Variants in KSR2 observed in about 807,000 individuals in gnomAD.
KSR2 encodes kinase suppressor of ras 2.
A neutral mutation model predicts 107.8 loss-of-function variants in KSR2; 25 were observed. The observed-to-expected ratio is 0.23, with a 90% CI of 0.17 to 0.32. The LOEUF (loss-of-function observed/expected upper bound fraction) is 0.32. KSR2 is among the 10% of genes least tolerant of loss of function. KSR2 has a pLI of 1.00. For missense variants in KSR2, 887 were observed against 1,268.9 expected (o/e 0.70, Z 4.57); for synonymous variants, 480 against 507.0 (o/e 0.95, Z 0.71).
chr12:117,796,986 G>A (rs1013771240), intron 3 of KSR2, among the ~76,000 whole-genome samples: 4 of 152,118 alleles, frequency 2.6e-5, no homozygotes, highest in African/African-American at 9.7e-5. Flanking sequence ...TTGGAGCCTG[G>A]GAACACAACA....
chr12:117,536,871 T>C (rs1190047225), intron 10 of KSR2, among the ~76,000 whole-genome samples: 5 of 152,254 alleles, frequency 3.3e-5, no homozygotes, highest in African/African-American at 1.2e-4. Context: ...AGCGTTTCTG[T>C]ATATAAAGTC....
chr12:117,497,658 A>C (rs1316550171), intron 14 of KSR2, among the ~76,000 whole-genome samples: 1 of 152,190 alleles, frequency 6.6e-6, no homozygotes, highest in Non-Finnish European at 1.5e-5. Context: ...AGTTAGGAGC[A>C]TACACTTTAG....
chr12:117,548,480 G>A lies in KSR2; in HGVS notation c.1518+6689C>T, dbSNP rs115654996. Among the ~76,000 whole-genome samples the A allele has an allele frequency of 9.3e-3, 1,408 of 151,888 alleles. 24 individuals are homozygous for A. The highest frequency in any genetic ancestry group is 0.032 in the African/African-American group (1,318 of 41,406). ...TTTCTTTTCTTTAGCTTACTTTATT[G>A]TAAGAATATGGCATATAAGACATAG... On this transcript the variant is annotated intron_variant, in intron 9 of 19. Transcript: ENST00000339824.
Position 117,731,417 on chromosome 12 carries a change from GGGGGGC to G in KSR2, c.986+29588_986+29593del, listed in dbSNP as rs1290944649. The stretch of plus-strand genomic sequence containing the variant: ...CAGCCGCCCCGTCCGGGAGGGAGGT[GGGGGGC>G]AGCCCCCGCCCAGCCACCGCCCCGT... On this transcript the variant is annotated intron_variant, in intron 4 of 19. Coordinates refer to ENST00000339824, the MANE Select transcript of KSR2 (RefSeq NM_173598.6). 5.4e-4 allele frequency among the ~76,000 whole-genome samples: 73 copies of G among 134,584 alleles called. 2 individuals carry two copies. The highest frequency in any genetic ancestry group is 2.0e-3 in the African/African-American group (68 of 33,238). The allele number at this position is 134,584 out of a possible 152,430, so 88.3% of individuals were successfully genotyped here.
chr12:117,770,387 G>A (rs1016468778), intron 3 of KSR2, among the ~76,000 whole-genome samples: 5 of 152,226 alleles, frequency 3.3e-5, no homozygotes, highest in Admixed American at 6.5e-5. Flanking sequence ...TGAAGCCGTG[G>A]GACAGGCAAG....
chr12:117,539,400 G>C, intron 10 of KSR2: 1 of 311,076 alleles, frequency 3.2e-6, no homozygotes. Context: ...CTTAGGCGAA[G>C]ACCCTGGGTT....
At chr12:117,868,651 C>A (rs1290370093) in intron 1 of KSR2, among the ~76,000 whole-genome samples, 1 of 151,904 alleles carries the variant, frequency 6.6e-6, no homozygotes, top group Non-Finnish European at 1.5e-5. Flanking sequence ...AGTGCAGAGC[C>A]GAGATTCAAA....
At chr12:117,732,844 G>A (rs947839645) in intron 4 of KSR2, among the ~76,000 whole-genome samples, 4 of 152,194 alleles carry the variant, frequency 2.6e-5, no homozygotes, top group African/African-American at 7.2e-5. Context: ...TCCTAACGGG[G>A]TCCATCAGAG....
rs1031786175 is a variant in KSR2, at chr12:117,454,846, A to G, written c.*12353T>C. The G allele has an allele frequency of 1.3e-5, 2 of 150,198 alleles. No individual in the cohort carries two copies. Among genetic ancestry groups the G allele is most frequent in the Non-Finnish European group, 3.0e-5 (2 of 67,780 alleles). The allele number at this position is 150,198 out of a possible 1,614,324, so 9.3% of individuals were successfully genotyped here. A position where few individuals can be genotyped will look rare whatever the true frequency, so the allele number is the denominator to read the frequency against. ...AGAGACACAGGTCGCAAGAGTCGAT[A>G]GAGGGAAAGTGAAGCAAAAGAGGAA... On this transcript the variant is annotated 3_prime_UTR_variant, in exon 20 of 20. Coordinates refer to ENST00000339824, the MANE Select transcript of KSR2 (RefSeq NM_173598.6).
intron 1 of KSR2, among the ~76,000 whole-genome samples, chr12:117,917,064 C>T (rs1004885151): frequency 2.0e-5 from 3 of 152,144 alleles, no homozygotes; most frequent in Non-Finnish European, 4.4e-5. Context: ...CATCCCTGAC[C>T]TTTACCCATG....
At chr12:117,672,106 G>A (rs1022923581) in intron 4 of KSR2, among the ~76,000 whole-genome samples, 2 of 152,226 alleles carry the variant, frequency 1.3e-5, no homozygotes, top group East Asian at 1.9e-4. Context: ...ACATACTGGC[G>A]GACTCTTTCC....
intron 4 of KSR2, among the ~76,000 whole-genome samples, chr12:117,739,072 T>G (rs1044327002): frequency 1.3e-5 from 2 of 151,824 alleles, no homozygotes; most frequent in Admixed American, 1.3e-4. Flanking sequence ...AATAAGGTAA[T>G]TGGACGGGCG....
chr12:117,648,087 T>C (rs4767594), intron 5 of KSR2, among the ~76,000 whole-genome samples: 70,520 of 152,008 alleles, frequency 0.46, 18,649 homozygotes, highest in Non-Finnish European at 0.6. Context: ...GGTCCAATGG[T>C]CACAAACTGG....
At chr12:117,710,979 C>T (rs1035331853) in intron 4 of KSR2, among the ~76,000 whole-genome samples, 13 of 152,270 alleles carry the variant, frequency 8.5e-5, no homozygotes, top group Middle Eastern at 3.4e-3. Context: ...AATCCTTTAG[C>T]GCTTGTCTCA....
At chr12:117,961,745 A>C (rs1358103325) in intron 1 of KSR2, among the ~76,000 whole-genome samples, 3 of 152,208 alleles carry the variant, frequency 2.0e-5, no homozygotes, top group Non-Finnish European at 4.4e-5. Context: ...GAATCATGAA[A>C]ATAACAAATT....
At chr12:117,916,132 C>CTTTTTTTT (rs199898514) in intron 1 of KSR2, among the ~76,000 whole-genome samples, 2 of 125,702 alleles carry the variant, frequency 1.6e-5, no homozygotes, top group Non-Finnish European at 3.3e-5. Flanking sequence ...TTTATTTCTT[C>CTTTTTTTT]TTCTTTTTTT....
intron 5 of KSR2, among the ~76,000 whole-genome samples, chr12:117,614,442 T>C (rs1322299488): frequency 6.6e-6 from 1 of 152,190 alleles, no homozygotes; most frequent in African/African-American, 2.4e-5. Context: ...TAAGAATTGA[T>C]TGGATTTGTT....
intron 5 of KSR2, among the ~76,000 whole-genome samples, chr12:117,604,504 G>C (rs552110209): frequency 4.6e-5 from 7 of 152,240 alleles, no homozygotes; most frequent in African/African-American, 1.7e-4. Context: ...CACACGGTTT[G>C]CTACTCCTTG....
chr12:117,786,855 C>A (rs895581406), intron 3 of KSR2, among the ~76,000 whole-genome samples: 6 of 151,756 alleles, frequency 4.0e-5, no homozygotes, highest in Admixed American at 2.6e-4. Context: ...CATGGAGAAA[C>A]CCTGTCTCTA....
Sources: allele counts gnomAD v4.1 joint callset (sites outside exome capture counted in the v4.1 genomes callset), GRCh38; gene constraint gnomAD v4.1.1; transcripts MANE v1.5; gene names NCBI Gene and HGNC (gene_info 2026-07-23, HGNC 2026-07-21).